The following FAM135B variants were observed in gnomAD, a reference collection of about 807,000 sequenced individuals.
The protein encoded by FAM135B is family with sequence similarity 135 member B.
FAM135B carries 43 observed loss-of-function variants against 127.7 expected under a neutral mutation model. The observed-to-expected ratio is 0.34, with a 90% confidence interval of 0.26 to 0.43. FAM135B has a LOEUF of 0.43. Among genes scored for constraint, FAM135B ranks in the 20% least tolerant of loss-of-function variants. FAM135B has a pLI of 1.00. For synonymous variants in FAM135B, 670 were observed against 665.1 expected (o/e 1.01, Z -0.11); for missense variants, 1,558 against 1,725.6 (o/e 0.90, Z 1.72).
intron 4 of FAM135B, among the ~76,000 whole-genome samples, chr8:138,260,731 G>A (rs971286684): frequency 6.6e-6 from 1 of 152,090 alleles, no homozygotes; most frequent in African/African-American, 2.4e-5. Flanking sequence ...CCTCTGCCAT[G>A]ATGCTCACCA....
At chr8:138,465,929 G>T (rs1363174914) in intron 1 of FAM135B, among the ~76,000 whole-genome samples, 3 of 152,134 alleles carry the variant, frequency 2.0e-5, no homozygotes, top group Non-Finnish European at 4.4e-5. Context: ...ACAGGCATGT[G>T]CCTTCACACC....
chr8:138,417,151 A>C (rs1834210233), intron 1 of FAM135B, among the ~76,000 whole-genome samples: 1 of 152,156 alleles, frequency 6.6e-6, no homozygotes, highest in Non-Finnish European at 1.5e-5. Flanking sequence ...AGCTGGCTTT[A>C]GCCTTGATTG....
chr8:138,157,658 C>A (rs188050964), intron 12 of FAM135B, among the ~76,000 whole-genome samples: 2 of 152,136 alleles, frequency 1.3e-5, no homozygotes, highest in South Asian at 2.1e-4. Context: ...CAATAACAGA[C>A]AAACAGAGAG....
rs962172220 is a variant in FAM135B, at chr8:138,273,203, T to TTTTTG, written c.158-7366_158-7362dup. 3.3e-5 allele frequency among the ~76,000 whole-genome samples: 5 copies of TTTTTG among 152,274 alleles called. No homozygotes were observed. In the South Asian group the frequency reaches 6.2e-4, roughly 19 times the overall value. On this transcript the variant is annotated intron_variant, in intron 3 of 19. Transcript: ENST00000395297. ...GAAGTGAGGAGTGGAAAATAATCTT[T>TTTTTG]TTTTGTTTTGTTTTGTTTTTGAGAT...
intron 1 of FAM135B, among the ~76,000 whole-genome samples, chr8:138,473,807 T>A (rs1471800196): frequency 6.6e-6 from 1 of 151,360 alleles, no homozygotes; most frequent in African/African-American, 2.5e-5. Context: ...CATGTTAAAT[T>A]TTTTATCCAC....
intron 2 of FAM135B, among the ~76,000 whole-genome samples, chr8:138,366,920 CTT>C (rs975570059): frequency 6.6e-6 from 1 of 152,116 alleles, no homozygotes; most frequent in African/African-American, 2.4e-5. Context: ...TATTTCCCCT[CTT>C]GATAGCCCAA....
intron 11 of FAM135B, among the ~76,000 whole-genome samples, chr8:138,168,573 C>T (rs2130908065): frequency 6.6e-6 from 1 of 152,136 alleles, no homozygotes. Flanking sequence ...AGATCAAGGG[C>T]CATATTTTTT....
At chr8:138,142,526 G>A (rs188817852) in intron 16 of FAM135B, among the ~76,000 whole-genome samples, 576 of 151,800 alleles carry the variant, frequency 3.8e-3, no homozygotes, top group African/African-American at 0.013. Context: ...GGATGGTCTC[G>A]ATCTCCTGAC....
chr8:138,386,667 T>C (rs532001664), intron 1 of FAM135B, among the ~76,000 whole-genome samples: 5 of 152,252 alleles, frequency 3.3e-5, no homozygotes, highest in Non-Finnish European at 7.3e-5. Context: ...ATTTTTGGCA[T>C]GAATTAATCA....
chr8:138,206,294 T>TATCATCCCCTCCACTTACCCAGGGCTCC (rs1563768607), intron 7 of FAM135B, among the ~76,000 whole-genome samples: 3 of 109,250 alleles, frequency 2.7e-5, no homozygotes, highest in African/African-American at 1.1e-4. Context: ...CGCACAGCTC[T>TATCATCCCCTCCACTTACCCAGGGCTCC]ATCATCCCCT....
Position 138,137,245 on chromosome 8 carries a change from T to A in FAM135B, c.3917A>T (p.Lys1306Ile). 1.9e-6 allele frequency: 3 copies of A among 1,597,546 alleles called. No individual in the cohort carries two copies. Among genetic ancestry groups the A allele is most frequent in the Non-Finnish European group, 2.6e-6 (3 of 1,164,818 alleles). Residue 1306 changes from lysine to isoleucine, a missense_variant, in exon 19 of 20, where the codon AAA becomes ATA. Physicochemically the swap from Lys to Ile is moderately radical, Grantham distance 102. Around this residue, in one of 5 missense-constraint regions of FAM135B, gnomAD observed 194 missense variants for 333.8 expected, o/e 0.58. Coordinates refer to ENST00000395297, the MANE Select transcript of FAM135B (RefSeq NM_015912.4). ...LSQKTGLQYF[K>I]NVVLVASPQD... ...GGGAGAAGCAACCAGCACGACGTTT[T>A]TAAAATACTGCAGCCCTGTAAAAAT...
chr8:138,258,915 C>T (rs979763685), intron 4 of FAM135B, among the ~76,000 whole-genome samples: 9 of 151,942 alleles, frequency 5.9e-5, no homozygotes, highest in East Asian at 5.8e-4. Flanking sequence ...ATTTATCTCA[C>T]GACCAGGAAG....
At chr8:138,463,791 TGA>T (rs1837251568) in intron 1 of FAM135B, among the ~76,000 whole-genome samples, 1 of 152,158 alleles carries the variant, frequency 6.6e-6, no homozygotes, top group Admixed American at 6.5e-5. Context: ...GGCTTGAACT[TGA>T]CCCCTGAGCA....
intron 6 of FAM135B, 126 bp downstream of exon 6, chr8:138,250,715 T>C (rs2130480089): frequency 2.8e-6 from 3 of 1,076,452 alleles, no homozygotes; most frequent in Non-Finnish European, 2.7e-6. Flanking sequence ...GCCCAAAGCT[T>C]AAACCTGCAG....
chr8:138,475,685 T>C (rs1814388600), intron 1 of FAM135B, among the ~76,000 whole-genome samples: 1 of 152,216 alleles, frequency 6.6e-6, no homozygotes, highest in South Asian at 2.1e-4. Flanking sequence ...ACCTCATTGA[T>C]GGTATAGGTA....
chr8:138,421,063 G>A (rs906393059), intron 1 of FAM135B, among the ~76,000 whole-genome samples: 2 of 152,336 alleles, frequency 1.3e-5, no homozygotes, highest in South Asian at 4.1e-4. Flanking sequence ...TGTAATCCCA[G>A]CACTTTGGGA....
At chr8:138,377,213 ATTTAC>A (rs1831534320) in intron 1 of FAM135B, among the ~76,000 whole-genome samples, 1 of 152,170 alleles carries the variant, frequency 6.6e-6, no homozygotes, top group Non-Finnish European at 1.5e-5. Flanking sequence ...ATATATCAGC[ATTTAC>A]TTTATGAAAA....
chr8:138,195,182 C>A (rs1241071949), intron 9 of FAM135B, 76 bp downstream of exon 9: 9 of 1,440,964 alleles, frequency 6.2e-6, no homozygotes, highest in Non-Finnish European at 7.7e-6. Flanking sequence ...CTGTTTTTTA[C>A]AGCAAGCAAG....
intron 2 of FAM135B, among the ~76,000 whole-genome samples, chr8:138,311,951 A>T (rs780392996): frequency 2.0e-5 from 3 of 151,998 alleles, no homozygotes; most frequent in Non-Finnish European, 4.4e-5. Context: ...CTGTAAAATG[A>T]ATATATATAT....
Sources: allele counts gnomAD v4.1 joint callset (sites outside exome capture counted in the v4.1 genomes callset), GRCh38; gene constraint gnomAD v4.1.1; regional missense constraint gnomAD v4.1.1; transcripts MANE v1.5; gene names NCBI Gene and HGNC (gene_info 2026-07-23, HGNC 2026-07-21).